Variants in MTMR10 observed in about 807,000 individuals in gnomAD.
MTMR10 encodes the protein myotubularin related protein 10.
Under a neutral mutation model 88.1 loss-of-function variants are expected in MTMR10, and 56 were observed. The ratio of observed to expected loss-of-function variants is 0.64; its 90% CI spans 0.51 to 0.79. MTMR10 has a LOEUF of 0.79. Among genes scored for constraint, MTMR10 ranks in the 30% least tolerant of loss-of-function variants. The pLI, the probability that MTMR10 is intolerant of heterozygous loss-of-function variation, is 0.00. For synonymous variants in MTMR10, 380 were observed against 340.9 expected, an observed-to-expected ratio of 1.11 and a Z score of -1.26; for missense variants, 883 against 924.7, an observed-to-expected ratio of 0.95 and a Z score of 0.58.
the MTMR10 span, chr15:30,928,154 G>A: frequency 8.9e-6 from 9 of 1,011,706 alleles, no homozygotes; most frequent in African/African-American, 1.7e-5. Context: ...AGGGACCTCC[G>A]GCATCAGGGC....
downstream of MTMR10, among the ~76,000 whole-genome samples, chr15:30,936,250 T>TA (rs2062850285): frequency 6.6e-6 from 1 of 152,168 alleles, no homozygotes; most frequent in Non-Finnish European, 1.5e-5. Context: ...AGGATATACT[T>TA]AGAGCTGTGA....
Position 30,958,920 on chromosome 15 carries a change from G to A in MTMR10, c.878C>T (p.Ala293Val). ...LWCWSHSNGS[A>V]LVRMALIKDV... ...TTTGATGAGGGCCATTCGCACAAGA[G>A]CACTGCCGTTAGAGTGGCTCCAGCA... is the stretch of plus-strand genomic sequence containing the variant. Residue 293 changes from alanine to valine, a missense_variant, in exon 9 of 16, where the codon GCT becomes GTT. Transcript: ENST00000435680. The A allele has an allele frequency of 1.2e-6, 2 of 1,614,012 alleles. No homozygotes were observed. Among genetic ancestry groups the A allele is most frequent in the Non-Finnish European group, 1.7e-6 (2 of 1,179,876 alleles).
chr15:30,937,095 A>G (rs1336879090), downstream of MTMR10: 1 of 1,601,524 alleles, frequency 6.2e-7, no homozygotes, highest in Non-Finnish European at 8.5e-7. Context: ...TACTAATAAC[A>G]ACTTTTAAAA....
chr15:30,919,318 TGTG>T, the MTMR10 span, among the ~76,000 whole-genome samples: 2 of 146,870 alleles, frequency 1.4e-5, no homozygotes, highest in South Asian at 2.2e-4. Context: ...AGGTGGAGGT[TGTG>T]GTGAGCTGAG....
At chr15:30,979,561 A>C (rs1938648475) in intron 2 of MTMR10, among the ~76,000 whole-genome samples, 1 of 152,162 alleles carries the variant, frequency 6.6e-6, no homozygotes, top group South Asian at 2.1e-4. Flanking sequence ...TCCATCTCAA[A>C]AAAAAAAATC....
At chr15:30,937,158 A>G, downstream of MTMR10, 2 of 1,613,996 alleles carry the variant, frequency 1.2e-6, no homozygotes, top group East Asian at 4.5e-5. Context: ...TCTTTCACAT[A>G]AGCAGATGAT....
chr15:30,927,787 G>A, the MTMR10 span: 2 of 985,686 alleles, frequency 2.0e-6, no homozygotes, highest in African/African-American at 3.5e-5. Context: ...AGGGCAGCTG[G>A]ATGAGCTGGG....
intron 2 of MTMR10, among the ~76,000 whole-genome samples, chr15:30,987,917 G>A (rs1442182489): frequency 8.8e-6 from 1 of 113,778 alleles, no homozygotes; most frequent in Non-Finnish European, 1.7e-5. Context: ...TTCCCCTCCC[G>A]GTGTCCATGT....
intron 6 of MTMR10, among the ~76,000 whole-genome samples, chr15:30,966,707 ATTGC>A (rs2063476144): frequency 6.8e-6 from 1 of 146,630 alleles, no homozygotes; most frequent in Non-Finnish European, 1.5e-5. Flanking sequence ...AAATAACTGT[ATTGC>A]TTAAGCCTCA....
intron 11 of MTMR10, 144 bp downstream of exon 11, chr15:30,953,418 T>C: frequency 1.6e-6 from 1 of 639,814 alleles, no homozygotes; most frequent in Middle Eastern, 2.9e-4. Flanking sequence ...TTGGATGCTG[T>C]ACTCTAGTTA....
intron 7 of MTMR10, among the ~76,000 whole-genome samples, 179 bp downstream of exon 7, chr15:30,960,702 G>T (rs998901912): frequency 2.0e-5 from 3 of 152,058 alleles, no homozygotes; most frequent in African/African-American, 7.2e-5. Flanking sequence ...TCTTTTAAGG[G>T]ATACCGTAAT....
Position 30,974,257 on chromosome 15 carries a change from T to C in MTMR10, c.474+57A>G, listed in dbSNP as rs887070544. The C allele has an allele frequency of 1.1e-5, 15 of 1,338,002 alleles. No homozygotes were observed. The African/African-American group carries it at 1.4e-4, about 12-fold the overall frequency. 82.9% of individuals were successfully genotyped at this position (1,338,002 alleles called of 1,614,324 possible). A position where few individuals can be genotyped will look rare whatever the true frequency, so the allele number is the denominator to read the frequency against. On this transcript the variant is annotated intron_variant, in intron 5 of 15. Transcript: ENST00000435680. ...GAGAAATGAAAACTGCCATACGGAA[T>C]TGAAATCAGTAAACACAGTACAGAA...
At chr15:30,986,390 A>C (rs927909936) in intron 2 of MTMR10, among the ~76,000 whole-genome samples, 1 of 151,880 alleles carries the variant, frequency 6.6e-6, no homozygotes, top group African/African-American at 2.4e-5. Flanking sequence ...AGTGCTCACA[A>C]AATTGTATCT....
chr15:30,955,334 C>CTG, intron 9 of MTMR10, among the ~76,000 whole-genome samples: 1 of 152,106 alleles, frequency 6.6e-6, no homozygotes, highest in African/African-American at 2.4e-5. Context: ...GCAGTGGCAC[C>CTG]ATCTCGGCTC....
intron 5 of MTMR10, among the ~76,000 whole-genome samples, chr15:30,968,479 T>G (rs1315827618): frequency 1.4e-5 from 2 of 146,296 alleles, no homozygotes; most frequent in Non-Finnish European, 3.0e-5. Context: ...AAAATTAAAA[T>G]TAGCAAGAAA....
chr15:30,982,215 G>A (rs187387863), intron 2 of MTMR10, among the ~76,000 whole-genome samples: 9 of 152,324 alleles, frequency 5.9e-5, no homozygotes, highest in Admixed American at 2.0e-4. Flanking sequence ...ATGCTATGTA[G>A]TATCCTGGAT....
chr15:30,921,866 C>T, the MTMR10 span, among the ~76,000 whole-genome samples: 8 of 152,334 alleles, frequency 5.3e-5, no homozygotes, highest in East Asian at 3.9e-4. Context: ...GTCCTGTGAC[C>T]TGCTGTGTTC....
At chr15:30,944,607 C>T (rs918880607) in intron 14 of MTMR10, among the ~76,000 whole-genome samples, 1 of 151,218 alleles carries the variant, frequency 6.6e-6, no homozygotes, top group African/African-American at 2.4e-5. Flanking sequence ...GACATTTCAT[C>T]ATGTACATGG....
chr15:30,941,352 T>C lies in MTMR10; in HGVS notation c.*118A>G. On this transcript the variant is annotated 3_prime_UTR_variant, in exon 16 of 16. Transcript: ENST00000435680. ...ACATGTTTTTAAATATTAGTGCAAATTCCAACTATTATTCTTACATATAAA... is the reference window on the plus strand; with the variant it reads ...ACATGTTTTTAAATATTAGTGCAAACTCCAACTATTATTCTTACATATAAA... 6.5e-7 allele frequency: 1 copy of C among 1,536,406 alleles called. No individual in the cohort carries two copies. Among genetic ancestry groups the C allele is most frequent in the Non-Finnish European group, 8.7e-7 (1 of 1,144,866 alleles).
Sources: gnomAD v4.1 joint callset for allele counts (sites outside exome capture counted in the v4.1 genomes callset) on GRCh38, gnomAD v4.1.1 for gene constraint, MANE v1.5 for transcripts, NCBI Gene and HGNC (gene_info 2026-07-23, HGNC 2026-07-21) for gene names.